The following RNF125 variants were observed in gnomAD, a reference collection of about 807,000 sequenced individuals.
RNF125 encodes E3 ubiquitin-protein ligase RNF125.
A neutral mutation model predicts 26.0 loss-of-function variants in RNF125; 21 were observed. The observed-to-expected ratio is 0.81, with a 90% CI of 0.57 to 1.16. RNF125 has a LOEUF of 1.16. RNF125 is among the 50% of genes most tolerant of loss of function. The pLI, the probability that RNF125 is intolerant of heterozygous loss-of-function variation, is 0.00. For missense variants in RNF125, 270 were observed against 299.4 expected (o/e 0.90, Z 0.72); for synonymous variants, 95 against 109.2 (o/e 0.87, Z 0.81).
intron 4 of RNF125, among the ~76,000 whole-genome samples, chr18:32,055,051 C>T (rs1385752758): frequency 6.6e-6 from 1 of 152,068 alleles, no homozygotes; most frequent in African/African-American, 2.4e-5. Flanking sequence ...AATCCCAGCA[C>T]TTTGGGAGGC....
chr18:32,028,809 C>A (rs925746244), intron 1 of RNF125, among the ~76,000 whole-genome samples: 2 of 152,084 alleles, frequency 1.3e-5, no homozygotes, highest in African/African-American at 4.8e-5. Context: ...CCACCTCAGC[C>A]TCCCAAAATG....
At chr18:32,080,884 A>C in the RNF125 span, among the ~76,000 whole-genome samples, 1,485 of 151,858 alleles carry the variant, frequency 9.8e-3, 24 homozygotes, top group African/African-American at 0.034. Flanking sequence ...TCAAAAAGGC[A>C]AAAAAAATAG....
Position 32,037,277 on chromosome 18 carries a change from T to C in RNF125, c.318+8T>C, listed in dbSNP as rs755266435. The C allele has an allele frequency of 4.5e-6, 7 of 1,540,752 alleles. No homozygotes were observed. The Admixed American group carries it at 1.1e-4, about 25-fold the overall frequency. On this transcript the variant is annotated splice_region_variant and intron_variant, in intron 2 of 5. Coordinates refer to ENST00000217740, the MANE Select transcript of RNF125 (RefSeq NM_017831.4). ...GCTGAGTGTGACACCCTGGTATGTATGTGACCCCACCTATTTTCATGGTTA... is the reference window on the plus strand; with the variant it reads ...GCTGAGTGTGACACCCTGGTATGTACGTGACCCCACCTATTTTCATGGTTA...
chr18:32,065,532 C>T (rs1335088104), intron 4 of RNF125, among the ~76,000 whole-genome samples: 5 of 151,622 alleles, frequency 3.3e-5, no homozygotes, highest in Non-Finnish European at 7.4e-5. Flanking sequence ...CACTGCACCC[C>T]GTCTTGTTTT....
intron 1 of RNF125, among the ~76,000 whole-genome samples, chr18:32,036,262 C>T (rs1169308596): frequency 6.6e-6 from 1 of 151,422 alleles, no homozygotes; most frequent in Non-Finnish European, 1.5e-5. Context: ...TTTGAAATTT[C>T]ATTCAACTAT....
chr18:32,038,168 C>T (rs1466413358), intron 2 of RNF125, among the ~76,000 whole-genome samples: 3 of 151,578 alleles, frequency 2.0e-5, no homozygotes, highest in African/African-American at 4.9e-5. Context: ...AATGCCTCAG[C>T]TTCCCGAGTA....
At chr18:32,079,591 T>A in the RNF125 span, among the ~76,000 whole-genome samples, 1 of 152,240 alleles carries the variant, frequency 6.6e-6, no homozygotes, top group Non-Finnish European at 1.5e-5. Context: ...AACAGTGTCA[T>A]GCATCTCTGT....
At chr18:32,048,384 C>T (rs1049774598) in intron 4 of RNF125, among the ~76,000 whole-genome samples, 7 of 151,688 alleles carry the variant, frequency 4.6e-5, no homozygotes, top group African/African-American at 1.7e-4. Flanking sequence ...TGAGATCACG[C>T]CATTGCACTC....
In RNF125 at chr18:32,068,550, T is replaced by A; in HGVS notation, c.*166T>A. ...GTGCATTTAAAAACTGCTTTAATTTTAATGGTTTAAATCTGTTTTACATCC... is the reference window on the plus strand; with the variant it reads ...GTGCATTTAAAAACTGCTTTAATTTAAATGGTTTAAATCTGTTTTACATCC... On this transcript the variant is annotated 3_prime_UTR_variant, in exon 6 of 6. Coordinates refer to ENST00000217740, the MANE Select transcript of RNF125 (RefSeq NM_017831.4). 2.0e-6 allele frequency: 1 copy of A among 505,732 alleles called. No individual in the cohort carries two copies. 31.3% of individuals were successfully genotyped at this position (505,732 alleles called of 1,614,324 possible).
chr18:32,071,288 C>G lies in RNF125; in HGVS notation c.*2904C>G, dbSNP rs2039531753. Reference sequence around the variant, plus strand: ...TAGCTGGGATTACAAGTGGGCACCACCACACCCGGCTAATTGTTGTATTTT... The same window carrying G: ...TAGCTGGGATTACAAGTGGGCACCAGCACACCCGGCTAATTGTTGTATTTT... On this transcript the variant is annotated 3_prime_UTR_variant, in exon 6 of 6. Transcript: ENST00000217740. 6.6e-6 allele frequency: 1 copy of G among 152,218 alleles called. No homozygotes were observed. Among genetic ancestry groups the G allele is most frequent in the Admixed American group, 6.6e-5 (1 of 15,264 alleles). 9.4% of individuals were successfully genotyped at this position (152,218 alleles called of 1,614,324 possible).
At chr18:32,042,845 TA>T (rs1568199582) in intron 3 of RNF125, among the ~76,000 whole-genome samples, 1 of 150,756 alleles carries the variant, frequency 6.6e-6, no homozygotes, top group African/African-American at 2.4e-5. Context: ...TTTTATTCTT[TA>T]AAAAAAGAGA....
chr18:32,035,927 T>C (rs937294403), intron 1 of RNF125, among the ~76,000 whole-genome samples: 1 of 152,012 alleles, frequency 6.6e-6, no homozygotes, highest in Non-Finnish European at 1.5e-5. Context: ...CTGAGGCAGG[T>C]GGATCACCTG....
chr18:32,056,439 A>AC (rs1045767012), intron 4 of RNF125, among the ~76,000 whole-genome samples: 3 of 150,846 alleles, frequency 2.0e-5, no homozygotes, highest in South Asian at 2.1e-4. Context: ...TAGAGAAACC[A>AC]CCCCCCATGT....
chr18:32,040,185 C>T lies in RNF125; in HGVS notation c.319-1994C>T, dbSNP rs560947381. On this transcript the variant is annotated intron_variant, in intron 2 of 5. Coordinates refer to ENST00000217740, the MANE Select transcript of RNF125 (RefSeq NM_017831.4). ...TTTTGCCCTCTCCATGTTGCACTCT[C>T]TGTGTTCTTCAGAGTCCCGCCAGAT... is the stretch of plus-strand genomic sequence containing the variant. Among the ~76,000 whole-genome samples, 5 of 151,784 alleles carry T rather than the reference C, an allele frequency of 3.3e-5. No individual in the cohort carries two copies. In the South Asian group the frequency reaches 6.2e-4, roughly 19 times the overall value.
At position 32,070,384 on chromosome 18, in the gene RNF125, G is replaced by A. The variant is rs1207715166; in HGVS notation, c.*2000G>A. The A allele has an allele frequency of 6.6e-6, 1 of 152,182 alleles. No homozygotes were observed. Among genetic ancestry groups the A allele is most frequent in the Non-Finnish European group, 1.5e-5 (1 of 68,070 alleles). 9.4% of individuals were successfully genotyped at this position (152,182 alleles called of 1,614,324 possible). A position where few individuals can be genotyped will look rare whatever the true frequency, so the allele number is the denominator to read the frequency against. Reference sequence around the variant, plus strand: ...GACAGGGTTTCACCATAATAGCCAGGCTGGTCTCAAACTCCTTACCTTGTG... The same window carrying A: ...GACAGGGTTTCACCATAATAGCCAGACTGGTCTCAAACTCCTTACCTTGTG... On this transcript the variant is annotated 3_prime_UTR_variant, in exon 6 of 6. Coordinates refer to ENST00000217740, the MANE Select transcript of RNF125 (RefSeq NM_017831.4).
rs1160539298 is a variant in RNF125, at chr18:32,069,875, C to T, written c.*1491C>T. 2 of 152,134 alleles carry T rather than the reference C, an allele frequency of 1.3e-5. No individual in the cohort carries two copies. The highest frequency in any genetic ancestry group is 2.9e-5 in the Non-Finnish European group (2 of 68,038). The allele number at this position is 152,134 out of a possible 1,614,324, so 9.4% of individuals were successfully genotyped here. Reference sequence around the variant, plus strand: ...TACTTTGTATTTTGCTGATTGCACACTCATGGCACGGTTCAGCACATTGCC... The same window carrying T: ...TACTTTGTATTTTGCTGATTGCACATTCATGGCACGGTTCAGCACATTGCC... On this transcript the variant is annotated 3_prime_UTR_variant, in exon 6 of 6. Coordinates refer to ENST00000217740, the MANE Select transcript of RNF125 (RefSeq NM_017831.4).
intron 5 of RNF125, among the ~76,000 whole-genome samples, chr18:32,066,495 A>T (rs1029646070): frequency 6.6e-6 from 1 of 152,042 alleles, no homozygotes; most frequent in Non-Finnish European, 1.5e-5. Flanking sequence ...TCAAGATAAA[A>T]TTTAATAACG....
At position 32,042,218 on chromosome 18, in the gene RNF125, C is replaced by G; in HGVS notation, c.358C>G (p.Gln120Glu). 1.2e-6 allele frequency: 2 copies of G among 1,613,550 alleles called. No individual in the cohort carries two copies. The highest frequency in any genetic ancestry group is 1.7e-6 in the Non-Finnish European group (2 of 1,179,762). The change falls in exon 3 of 6, where the codon CAG becomes GAG. Residue 120 changes from glutamine (Q) to glutamate (E), a missense_variant. Transcript: ENST00000217740. ...AATGAGGGCACATATTCGGACTTGTCAGAAGTACATAGATAAGTATGGACC... is the reference window on the plus strand; with the variant it reads ...AATGAGGGCACATATTCGGACTTGTGAGAAGTACATAGATAAGTATGGACC... The part of the protein sequence containing the change: ...SEMRAHIRTC[Q>E]KYIDKYGPLQ...
At chr18:32,051,530 G>A (rs1418124592) in intron 4 of RNF125, among the ~76,000 whole-genome samples, 5 of 149,848 alleles carry the variant, frequency 3.3e-5, no homozygotes, top group South Asian at 2.1e-4. Context: ...GGCAGGAATC[G>A]CGTGAACCCA....
Sources: allele counts gnomAD v4.1 joint callset (sites outside exome capture counted in the v4.1 genomes callset), GRCh38; gene constraint gnomAD v4.1.1; transcripts MANE v1.5; gene names NCBI Gene and HGNC (gene_info 2026-07-23, HGNC 2026-07-21).